The following MYO9B variants were observed in gnomAD, a reference collection of about 807,000 sequenced individuals.
The protein encoded by MYO9B is myosin IXB.
Under a neutral mutation model 229.5 loss-of-function variants are expected in MYO9B, and 71 were observed. The observed-to-expected ratio is 0.31, with a 90% CI of 0.26 to 0.38. MYO9B has a LOEUF of 0.38. Ranked by LOEUF, MYO9B falls within the 10% of genes least tolerant of loss-of-function variation. MYO9B has a pLI of 1.00. For missense variants in MYO9B, 2,255 were observed against 2,920.5 expected (o/e 0.77, Z 5.25); for synonymous variants, 1,185 against 1,235.8 (o/e 0.96, Z 0.86).
chr19:17,211,617 C>T, intron 38 of MYO9B, 30 bp from the exon 39 acceptor site: 4 of 1,565,536 alleles, frequency 2.6e-6, no homozygotes, highest in Non-Finnish European at 2.6e-6. Flanking sequence ...GGTGGGGTGG[C>T]CTTGGACACC....
chr19:17,089,959 C>G (rs769769876), intron 1 of MYO9B, among the ~76,000 whole-genome samples: 15 of 152,088 alleles, frequency 9.9e-5, no homozygotes, highest in Non-Finnish European at 1.5e-4. Flanking sequence ...CTGACAACGA[C>G]TCATCACTTT....
chr19:17,148,005 A>G (rs924053800), intron 3 of MYO9B, among the ~76,000 whole-genome samples: 3 of 152,126 alleles, frequency 2.0e-5, no homozygotes, highest in African/African-American at 7.2e-5. Context: ...AGAAGCCACC[A>G]TACTGTCTCC....
Position 17,183,775 on chromosome 19 carries a change from A to G in MYO9B, c.2334-54A>G, listed in dbSNP as rs1301468195. On this transcript the variant is annotated intron_variant, in intron 15 of 39. Coordinates refer to ENST00000682292, the MANE Select transcript of MYO9B (RefSeq NM_004145.4). ...AGGCGTGGCTTGCTGAACTAACCCA[A>G]ATCCCGACACTGTGTTCCTTTTGTT... 8 of 1,489,972 alleles carry G rather than the reference A, an allele frequency of 5.4e-6. No individual in the cohort carries two copies. In the Admixed American group the frequency reaches 1.1e-4, roughly 21 times the overall value. 92.3% of individuals were successfully genotyped at this position (1,489,972 alleles called of 1,614,324 possible). A position where few individuals can be genotyped will look rare whatever the true frequency, so the allele number is the denominator to read the frequency against.
At chr19:17,145,580 C>A (rs1599367712) in intron 3 of MYO9B, 89 bp downstream of exon 3, 1 of 1,145,040 alleles carries the variant, frequency 8.7e-7, no homozygotes, top group South Asian at 1.2e-5. Context: ...ATGTGGAGAT[C>A]ATGGCTGTGT....
At chr19:17,159,706 G>C (rs1199432546) in intron 8 of MYO9B, among the ~76,000 whole-genome samples, 1 of 152,248 alleles carries the variant, frequency 6.6e-6, no homozygotes, top group Non-Finnish European at 1.5e-5. Context: ...ATTCAACTCT[G>C]TGTTTCCAGA....
intron 19 of MYO9B, 100 bp downstream of exon 19, chr19:17,188,145 T>C (rs1323985603): frequency 1.8e-6 from 2 of 1,084,066 alleles, no homozygotes; most frequent in East Asian, 5.6e-5. Flanking sequence ...ACTCAGCAGG[T>C]TGGCCAGGTG....
rs773054621 is a variant in MYO9B at position 17,185,950 on chromosome 19, G to C, written c.2526G>C (p.Leu842=). 2 of 1,613,870 alleles carry C rather than the reference G, an allele frequency of 1.2e-6. No homozygotes were observed. The highest frequency in any genetic ancestry group is 8.5e-7 in the Non-Finnish European group (1 of 1,179,782). The change falls in exon 18 of 40, where the codon CTG becomes CTC. Residue 842 remains leucine, a synonymous_variant. Coordinates refer to ENST00000682292, the MANE Select transcript of MYO9B (RefSeq NM_004145.4). ...CCCTTAACAAGCTCTTGGAGGCACT[G>C]GGGAAGGCGGAGCCCTTCTTTATCC... The part of the protein sequence containing the change: ...QTSLNKLLEA[L]GKAEPFFIRC...
rs145878618 is a variant in MYO9B at position 17,155,003 on chromosome 19, A to G, written c.1199+588A>G. Reference sequence around the variant, plus strand: ...AAAAGAATGCTGGGTACGGTTGTTCACACATGTAATCACAGTGCTTTGGAA... The same window carrying G: ...AAAAGAATGCTGGGTACGGTTGTTCGCACATGTAATCACAGTGCTTTGGAA... On this transcript the variant is annotated intron_variant, in intron 6 of 39. Coordinates refer to ENST00000682292, the MANE Select transcript of MYO9B (RefSeq NM_004145.4). Among the ~76,000 whole-genome samples the G allele has an allele frequency of 9.2e-5, 14 of 152,054 alleles. No homozygotes were observed. The East Asian group carries it at 2.7e-3, about 29-fold the overall frequency.
chr19:17,197,126 A>T (rs1400457159), intron 22 of MYO9B, among the ~76,000 whole-genome samples: 1 of 151,976 alleles, frequency 6.6e-6, no homozygotes, highest in Non-Finnish European at 1.5e-5. Flanking sequence ...AAATACCAAA[A>T]ATTAGCTGGA....
chr19:17,110,419 T>C (rs183896434), intron 2 of MYO9B, among the ~76,000 whole-genome samples: 1 of 152,240 alleles, frequency 6.6e-6, no homozygotes, highest in African/African-American at 2.4e-5. Context: ...ATAGAGCACC[T>C]TACAGCATCG....
chr19:17,188,586 T>C lies in MYO9B; in HGVS notation c.2688+541T>C, dbSNP rs76483680. ...ACTAGAATGTAATGTGCCTCTTTTC[T>C]CATCCACTGAATAGAAATAGTGTCT... On this transcript the variant is annotated intron_variant, in intron 19 of 39. Transcript: ENST00000682292. Among the ~76,000 whole-genome samples the C allele has an allele frequency of 3.6e-3, 543 of 152,282 alleles. 2 individuals carry two copies. The highest frequency in any genetic ancestry group is 0.01 in the Middle Eastern group (3 of 294).
chr19:17,107,526 A>T (rs1395907055), intron 2 of MYO9B, among the ~76,000 whole-genome samples: 1 of 152,194 alleles, frequency 6.6e-6, no homozygotes, highest in Non-Finnish European at 1.5e-5. Context: ...TGTTAGGGGC[A>T]AGGGAGTCTC....
intron 19 of MYO9B, among the ~76,000 whole-genome samples, chr19:17,188,358 G>A (rs2072942244): frequency 6.6e-6 from 1 of 151,040 alleles, no homozygotes; most frequent in South Asian, 2.1e-4. Context: ...GAATCCAGGA[G>A]GCAGAGGTTG....
intron 18 of MYO9B, among the ~76,000 whole-genome samples, chr19:17,187,542 TC>T (rs1463788319): frequency 8.7e-5 from 9 of 103,402 alleles, no homozygotes; most frequent in African/African-American, 4.7e-4. Flanking sequence ...GCATTTGGGT[TC>T]TTTTTTTTTT....
intron 1 of MYO9B, among the ~76,000 whole-genome samples, chr19:17,085,168 G>A (rs188802090): frequency 6.6e-6 from 1 of 152,304 alleles, no homozygotes; most frequent in East Asian, 1.9e-4. Context: ...AGACACTGGT[G>A]GCAGCAAATC....
chr19:17,179,184 A>T (rs1228485441), intron 14 of MYO9B, among the ~76,000 whole-genome samples: 1 of 152,070 alleles, frequency 6.6e-6, no homozygotes, highest in Admixed American at 6.6e-5. Flanking sequence ...CCCCCAAGTC[A>T]TGGCAACCAC....
intron 2 of MYO9B, among the ~76,000 whole-genome samples, chr19:17,141,638 C>T (rs2145216777): frequency 7.7e-6 from 1 of 130,482 alleles, no homozygotes; most frequent in Middle Eastern, 3.7e-3. Flanking sequence ...TGTCCTGCCC[C>T]AGGCACCTTC....
intron 26 of MYO9B, among the ~76,000 whole-genome samples, chr19:17,201,698 G>T (rs1205983339): frequency 6.6e-6 from 1 of 152,072 alleles, no homozygotes; most frequent in African/African-American, 2.4e-5. Flanking sequence ...AACCTGCTGT[G>T]GTACACAGGG....
intron 1 of MYO9B, among the ~76,000 whole-genome samples, chr19:17,090,520 C>T (rs566863665): frequency 2.0e-5 from 3 of 152,276 alleles, no homozygotes; most frequent in Admixed American, 6.5e-5. Context: ...TCCATTTATC[C>T]GTTGACAGGC....
Sources: gnomAD v4.1 joint callset for allele counts (sites outside exome capture counted in the v4.1 genomes callset) on GRCh38, gnomAD v4.1.1 for gene constraint, MANE v1.5 for transcripts, NCBI Gene and HGNC (gene_info 2026-07-23, HGNC 2026-07-21) for gene names.